TUSC3: variants seen among roughly 807,000 people sequenced by gnomAD.
The protein encoded by TUSC3 is tumor suppressor candidate 3, also known as dolichyl-diphosphooligosaccharide--protein glycosyltransferase subunit TUSC3.
TUSC3 carries 45 observed loss-of-function variants against 44.8 expected under a neutral mutation model. That is an observed-to-expected ratio of 1.00 (90% CI 0.79 to 1.29). The LOEUF is 1.29. Ranked by LOEUF, TUSC3 falls within the 50% of genes most tolerant of loss-of-function variation. TUSC3 has a pLI of 0.00. For synonymous variants in TUSC3, 212 were observed against 152.9 expected, an observed-to-expected ratio of 1.39 and a Z score of -2.85; for missense variants, 519 against 437.9, an observed-to-expected ratio of 1.19 and a Z score of -1.65.
intron 3 of TUSC3, 86 bp from the exon 4 acceptor site, chr8:15,659,421 C>G: frequency 2.6e-6 from 4 of 1,510,544 alleles, no homozygotes; most frequent in Non-Finnish European, 3.6e-6. Context: ...ATGCTGTTTT[C>G]CCCGAATTTC....
chr8:15,738,827 C>CTCTTTTTTTTCTTTCTTTT (rs1811047750), intron 7 of TUSC3, among the ~76,000 whole-genome samples: 5 of 87,172 alleles, frequency 5.7e-5, no homozygotes, highest in East Asian at 7.4e-4. Context: ...ATATATCTTG[C>CTCTTTTTTTTCTTTCTTTT]TTTTTTTTTT....
chr8:15,585,124 G>T (rs901025350), intron 1 of TUSC3, among the ~76,000 whole-genome samples: 25 of 152,130 alleles, frequency 1.6e-4, no homozygotes, highest in African/African-American at 5.8e-4. Flanking sequence ...TGTTAGAAAT[G>T]AAGAGAAGGG....
chr8:15,597,823 G>T (rs1421604590), intron 1 of TUSC3, among the ~76,000 whole-genome samples: 1 of 152,032 alleles, frequency 6.6e-6, no homozygotes, highest in Non-Finnish European at 1.5e-5. Flanking sequence ...TCAGAAATGA[G>T]TATGGCCTAC....
intron 6 of TUSC3, among the ~76,000 whole-genome samples, chr8:15,695,337 G>A (rs1483808761): frequency 6.6e-6 from 1 of 152,166 alleles, no homozygotes; most frequent in Non-Finnish European, 1.5e-5. Context: ...TTTATAAACA[G>A]GAGTTCCCCT....
intron 2 of TUSC3, among the ~76,000 whole-genome samples, chr8:15,528,548 A>C (rs1018040453): frequency 2.0e-5 from 3 of 152,188 alleles, no homozygotes; most frequent in Non-Finnish European, 4.4e-5. Flanking sequence ...TATCTGTCCA[A>C]GTTCACACAA....
the TUSC3 span, among the ~76,000 whole-genome samples, chr8:15,829,506 G>A: frequency 3.9e-5 from 6 of 152,130 alleles, no homozygotes; most frequent in South Asian, 1.2e-3. Context: ...ATTAGGTACA[G>A]TTCAACATAA....
At chr8:15,467,922 C>T (rs1800435248) in intron 1 of TUSC3, among the ~76,000 whole-genome samples, 1 of 152,018 alleles carries the variant, frequency 6.6e-6, no homozygotes, top group Non-Finnish European at 1.5e-5. Flanking sequence ...AAGCATTTAA[C>T]TTTATGTTAT....
rs10113716 is a variant in TUSC3 at position 15,531,104 on chromosome 8, C to G, written n.189+47621C>G. The stretch of plus-strand genomic sequence containing the variant: ...GCCGCTGTGCATGCGGGCAGCTTAC[C>G]CTAAGGGAAGAATCAAGGGAAAGGA... On this transcript the variant is annotated intron_variant and non_coding_transcript_variant, in intron 2 of 5. Transcript: ENST00000503191. Among the ~76,000 whole-genome samples the G allele has an allele frequency of 3.3e-3, 497 of 152,220 alleles. 4 individuals carry two copies. Among genetic ancestry groups the G allele is most frequent in the African/African-American group, 0.012 (478 of 41,554 alleles).
chr8:15,659,512 C>A lies in TUSC3; in HGVS notation c.432C>A (p.Asn144Lys). Residue 144 changes from asparagine (N) to lysine (K), a missense_variant, in exon 4 of 11, where the codon AAC becomes AAA. Physicochemically the swap from Asn to Lys is moderately conservative, Grantham distance 94. Transcript: ENST00000503731. ...TTTTTTCTCATGTTTTACAGCTCAACATGAACTCTGCTCCTACATTCATGC... is the reference window on the plus strand; with the variant it reads ...TTTTTTCTCATGTTTTACAGCTCAAAATGAACTCTGCTCCTACATTCATGC... ...DEGTDVFQQL[N>K]MNSAPTFMHF... 3.1e-6 allele frequency: 5 copies of A among 1,612,398 alleles called. No individual in the cohort carries two copies. The highest frequency in any genetic ancestry group is 4.2e-6 in the Non-Finnish European group (5 of 1,179,514).
the TUSC3 span, among the ~76,000 whole-genome samples, chr8:15,840,910 A>G: frequency 6.6e-6 from 1 of 152,188 alleles, no homozygotes; most frequent in Non-Finnish European, 1.5e-5. Flanking sequence ...CAGTGCTCAT[A>G]TAGGAATTAA....
At chr8:15,532,877 C>A (rs1452764030) in intron 2 of TUSC3, among the ~76,000 whole-genome samples, 1 of 152,134 alleles carries the variant, frequency 6.6e-6, no homozygotes, top group Non-Finnish European at 1.5e-5. Flanking sequence ...ACTGCAACCT[C>A]CACCTCCCAG....
intron 1 of TUSC3, among the ~76,000 whole-genome samples, chr8:15,456,969 A>G (rs542102986): frequency 6.6e-6 from 1 of 152,308 alleles, no homozygotes; most frequent in East Asian, 1.9e-4. Flanking sequence ...GACAATTCCA[A>G]GTGTACAGAA....
At chr8:15,580,868 T>C (rs1803299555) in intron 1 of TUSC3, among the ~76,000 whole-genome samples, 1 of 143,130 alleles carries the variant, frequency 7.0e-6, no homozygotes, top group African/African-American at 2.7e-5. Context: ...TTGGCCTGCC[T>C]TGCTAGATTG....
intron 2 of TUSC3, among the ~76,000 whole-genome samples, chr8:15,632,562 T>C (rs747979463): frequency 1.3e-5 from 2 of 152,158 alleles, no homozygotes; most frequent in Admixed American, 6.5e-5. Flanking sequence ...AACAGGGAGA[T>C]CAATTGAATA....
At chr8:15,778,188 C>T in the TUSC3 span, among the ~76,000 whole-genome samples, 1,365 of 152,076 alleles carry the variant, frequency 9.0e-3, 28 homozygotes, top group African/African-American at 0.031. Flanking sequence ...TTCTTAAGTA[C>T]CAAAGTTGCC....
At chr8:15,489,457 G>A (rs1331556347) in intron 2 of TUSC3, among the ~76,000 whole-genome samples, 1 of 152,148 alleles carries the variant, frequency 6.6e-6, no homozygotes, top group Non-Finnish European at 1.5e-5. Context: ...TGGACTCTCA[G>A]CTAATCTCTT....
At chr8:15,500,892 C>T (rs1348481545) in intron 2 of TUSC3, among the ~76,000 whole-genome samples, 1 of 152,162 alleles carries the variant, frequency 6.6e-6, no homozygotes, top group African/African-American at 2.4e-5. Flanking sequence ...GCCTTTTTAA[C>T]CTTTTTCAAG....
intron 5 of TUSC3, among the ~76,000 whole-genome samples, chr8:15,671,943 C>G (rs776193426): frequency 6.6e-6 from 1 of 152,060 alleles, no homozygotes; most frequent in South Asian, 2.1e-4. Flanking sequence ...AGTCCAGTAA[C>G]ATACCTGTTA....
intron 2 of TUSC3, among the ~76,000 whole-genome samples, chr8:15,640,931 A>G (rs2129171670): frequency 6.6e-6 from 1 of 152,286 alleles, no homozygotes; most frequent in African/African-American, 2.4e-5. Flanking sequence ...GATAAATTGC[A>G]GTGTTAAGTT....
Sources: allele counts gnomAD v4.1 joint callset (sites outside exome capture counted in the v4.1 genomes callset), GRCh38; gene constraint gnomAD v4.1.1; transcripts MANE v1.5; gene names NCBI Gene and HGNC (gene_info 2026-07-23, HGNC 2026-07-21).